The following ZC3H12D variants were observed in gnomAD, a reference collection of about 807,000 sequenced individuals.
The protein encoded by ZC3H12D is probable ribonuclease ZC3H12D.
ZC3H12D carries 11 observed loss-of-function variants against 24.2 expected under a neutral mutation model. That is an observed-to-expected ratio of 0.46 (90% CI 0.29 to 0.75). The LOEUF (loss-of-function observed/expected upper bound fraction) is 0.75, where lower values mean the gene tolerates loss of function less well. Among genes scored for constraint, ZC3H12D ranks in the 30% least tolerant of loss-of-function variants. The probability of loss-of-function intolerance (pLI) is 0.11; values close to 1 mark genes in which losing one functional copy is unlikely to be tolerated. For synonymous variants in ZC3H12D, 333 were observed against 341.8 expected, an observed-to-expected ratio of 0.97 and a Z score of 0.28; for missense variants, 740 against 767.7, an observed-to-expected ratio of 0.96 and a Z score of 0.43.
chr6:149,461,621 C>T (rs1776073183), intron 3 of ZC3H12D: 1 of 378,510 alleles, frequency 2.6e-6, no homozygotes, highest in Admixed American at 4.4e-5. Context: ...TTTTGAACTA[C>T]TTGTTGAATA....
At chr6:149,459,571 G>C (rs888454679) in intron 3 of ZC3H12D, 1 of 716,268 alleles carries the variant, frequency 1.4e-6, no homozygotes, top group African/African-American at 1.8e-5. Context: ...TGGTGGTGGA[G>C]ATGGAGTGGA....
Position 149,452,894 on chromosome 6 carries a change from T to C in ZC3H12D, c.681-172A>G, listed in dbSNP as rs1281123761. 6.6e-6 allele frequency among the ~76,000 whole-genome samples: 1 copy of C among 152,110 alleles called. No individual in the cohort carries two copies. The highest frequency in any genetic ancestry group is 1.5e-5 in the Non-Finnish European group (1 of 68,012). ...TTAAAGCAAAACCTTCCCTTCACAC[T>C]GAACCCCATGCAGAGCACACAGCAC... On this transcript the variant is annotated intron_variant, in intron 4 of 5. Coordinates refer to ENST00000409806, the MANE Select transcript of ZC3H12D (RefSeq NM_207360.3). The surrounding 1 kb of genome is among the most constrained non-coding windows in gnomAD (Gnocchi z 4.0).
chr6:149,464,756 G>A (rs1486264279), intron 2 of ZC3H12D, among the ~76,000 whole-genome samples: 1 of 152,232 alleles, frequency 6.6e-6, no homozygotes, highest in Non-Finnish European at 1.5e-5. Flanking sequence ...AGGAGAAGCT[G>A]AAGCAAAGGG....
intron 1 of ZC3H12D, among the ~76,000 whole-genome samples, chr6:149,480,142 G>C (rs1039483800): frequency 6.6e-6 from 1 of 152,114 alleles, no homozygotes; most frequent in African/African-American, 2.4e-5. Flanking sequence ...CTGCATCCCA[G>C]CTCTATGAAA....
intron 3 of ZC3H12D, among the ~76,000 whole-genome samples, chr6:149,460,502 C>T (rs1003919081): frequency 6.6e-6 from 1 of 152,100 alleles, no homozygotes; most frequent in Non-Finnish European, 1.5e-5. Flanking sequence ...TAAAGACCAG[C>T]CTGAGCAACA....
chr6:149,461,477 A>G (rs1463490811), intron 3 of ZC3H12D, among the ~76,000 whole-genome samples: 1 of 152,216 alleles, frequency 6.6e-6, no homozygotes, highest in African/African-American at 2.4e-5. Context: ...CCTATAAACT[A>G]TTAGAAGTGG....
intron 2 of ZC3H12D, among the ~76,000 whole-genome samples, chr6:149,462,447 T>C (rs1319398249): frequency 1.3e-5 from 2 of 152,064 alleles, no homozygotes; most frequent in African/African-American, 2.4e-5. Flanking sequence ...GATAGTTCAT[T>C]CTTCCATTTA....
intron 1 of ZC3H12D, among the ~76,000 whole-genome samples, chr6:149,481,649 A>G (rs2115015662): frequency 6.7e-6 from 1 of 150,306 alleles, no homozygotes; most frequent in South Asian, 2.4e-4. Context: ...TGCTGGGATT[A>G]CAGACGTGAG....
At chr6:149,483,792 C>T (rs1207581536) in intron 1 of ZC3H12D, among the ~76,000 whole-genome samples, 1 of 152,108 alleles carries the variant, frequency 6.6e-6, no homozygotes, top group Non-Finnish European at 1.5e-5. Context: ...CTCAAGGGAT[C>T]CTCCCTCCCT....
At chr6:149,480,913 C>T (rs1242949037) in intron 1 of ZC3H12D, among the ~76,000 whole-genome samples, 1 of 150,858 alleles carries the variant, frequency 6.6e-6, no homozygotes, top group African/African-American at 2.4e-5. Flanking sequence ...CAGTCGGGCC[C>T]AACACACCCT....
intron 1 of ZC3H12D, among the ~76,000 whole-genome samples, chr6:149,484,189 A>G (rs1776467091): frequency 6.6e-6 from 1 of 152,236 alleles, no homozygotes; most frequent in African/African-American, 2.4e-5. Context: ...AGAAAAGCTC[A>G]TAATCTTGGG....
intron 2 of ZC3H12D, among the ~76,000 whole-genome samples, chr6:149,473,405 T>C (rs1476759263): frequency 6.6e-6 from 1 of 152,220 alleles, no homozygotes; most frequent in Non-Finnish European, 1.5e-5. Flanking sequence ...CCATTTCCTA[T>C]GGCTCTGCCC....
chr6:149,447,608 T>C lies in ZC3H12D; in HGVS notation c.*3075A>G, dbSNP rs1193019081. ...CCAGTAGGAGAAACTAATAGACAAT[T>C]TGACAATAAAGAATCCAGGTGTGGT... On this transcript the variant is annotated 3_prime_UTR_variant, in exon 6 of 6. Coordinates refer to ENST00000409806, the MANE Select transcript of ZC3H12D (RefSeq NM_207360.3). The C allele has an allele frequency of 1.3e-5, 2 of 152,172 alleles. No homozygotes were observed. Among genetic ancestry groups the C allele is most frequent in the African/African-American group, 4.8e-5 (2 of 41,440 alleles). 9.4% of individuals were successfully genotyped at this position (152,172 alleles called of 1,614,324 possible).
At chr6:149,471,376 T>A (rs1223213976) in intron 2 of ZC3H12D, among the ~76,000 whole-genome samples, 2 of 152,234 alleles carry the variant, frequency 1.3e-5, no homozygotes, top group Non-Finnish European at 2.9e-5. Context: ...CTTTCCTGTG[T>A]AACTGAGAGG....
chr6:149,452,390 C>T lies in ZC3H12D; in HGVS notation c.787+226G>A. On this transcript the variant is annotated intron_variant, in intron 5 of 5. Transcript: ENST00000409806. The surrounding 1 kb of genome is among the most constrained non-coding windows in gnomAD (Gnocchi z 4.0). Reference sequence around the variant, plus strand: ...TTTGCTGTGTGCATGACCCCTGCATCCGACCCTGGCATGGGATCCTGGCTC... The same window carrying T: ...TTTGCTGTGTGCATGACCCCTGCATTCGACCCTGGCATGGGATCCTGGCTC... 2.1e-6 allele frequency: 1 copy of T among 478,964 alleles called. No homozygotes were observed. Among genetic ancestry groups the T allele is most frequent in the South Asian group, 4.0e-5 (1 of 24,906 alleles). 29.7% of individuals were successfully genotyped at this position (478,964 alleles called of 1,614,324 possible).
intron 2 of ZC3H12D, among the ~76,000 whole-genome samples, chr6:149,473,819 G>C (rs1776286673): frequency 6.6e-6 from 1 of 152,104 alleles, no homozygotes; most frequent in African/African-American, 2.4e-5. Context: ...AGCTTTTCCA[G>C]AGTCTCGCAG....
Position 149,450,562 on chromosome 6 carries a change from A to G in ZC3H12D, c.*121T>C. 9.5e-7 allele frequency: 1 copy of G among 1,052,724 alleles called. No homozygotes were observed. The highest frequency in any genetic ancestry group is 1.3e-6 in the Non-Finnish European group (1 of 760,638). 65.2% of individuals were successfully genotyped at this position (1,052,724 alleles called of 1,614,324 possible). On this transcript the variant is annotated 3_prime_UTR_variant, in exon 6 of 6. Transcript: ENST00000409806. ...GAGGAGGAAGCAGGCTTCCCTGACC[A>G]TCTTTAAAGAAAAGGGGGCACCATG...
intron 3 of ZC3H12D, 25 bp downstream of exon 3, chr6:149,461,806 T>TGAGCATACATCTGCTC (rs1360174933): frequency 6.5e-7 from 1 of 1,547,362 alleles, no homozygotes; most frequent in African/African-American, 1.4e-5. Flanking sequence ...TAGTACCTCT[T>TGAGCATACATCTGCTC]GAGCATACAT....
chr6:149,467,653 C>A (rs1011604995), intron 2 of ZC3H12D, among the ~76,000 whole-genome samples: 2 of 152,140 alleles, frequency 1.3e-5, no homozygotes, highest in African/African-American at 4.8e-5. Flanking sequence ...GAGGAAGTGA[C>A]CTTGTCCCCA....
Sources: gnomAD v4.1 joint callset for allele counts (sites outside exome capture counted in the v4.1 genomes callset) on GRCh38, gnomAD v4.1.1 for gene constraint, Gnocchi (gnomAD v3.1) non-coding constraint, MANE v1.5 for transcripts, NCBI Gene and HGNC (gene_info 2026-07-23, HGNC 2026-07-21) for gene names.